Variants in B3GALNT2 observed in about 807,000 individuals in gnomAD.
The protein encoded by B3GALNT2 is UDP-GalNAc:beta-1,3-N-acetylgalactosaminyltransferase 2.
In B3GALNT2, 53 loss-of-function variants were observed where a neutral mutation model predicts 61.1. The ratio of observed to expected loss-of-function variants is 0.87; its 90% CI spans 0.70 to 1.09. The LOEUF (loss-of-function observed/expected upper bound fraction) is 1.09, where lower values mean the gene tolerates loss of function less well. Ranked by LOEUF, B3GALNT2 falls within the 50% of genes least tolerant of loss-of-function variation. B3GALNT2 has a pLI of 0.00. For synonymous variants in B3GALNT2, 223 were observed against 237.4 expected, an observed-to-expected ratio of 0.94 and a Z score of 0.56; for missense variants, 544 against 623.0, an observed-to-expected ratio of 0.87 and a Z score of 1.35.
chr1:235,495,355 A>T (rs973048145), intron 1 of B3GALNT2, among the ~76,000 whole-genome samples: 13 of 152,172 alleles, frequency 8.5e-5, no homozygotes, highest in African/African-American at 2.9e-4. Context: ...AACTAAAAAA[A>T]ATGTGCTTTG....
chr1:235,484,725 CTAAG>C (rs1684720295), intron 3 of B3GALNT2: 1 of 862,038 alleles, frequency 1.2e-6, no homozygotes, highest in African/African-American at 1.7e-5. Context: ...TCAGCCACAT[CTAAG>C]TAAGTTAATT....
chr1:235,498,302 C>A (rs1159576840), intron 1 of B3GALNT2, among the ~76,000 whole-genome samples: 2 of 151,412 alleles, frequency 1.3e-5, no homozygotes, highest in African/African-American at 4.9e-5. Context: ...TGTCTAGAAA[C>A]AGAGGGAAAA....
intron 1 of B3GALNT2, among the ~76,000 whole-genome samples, chr1:235,496,794 C>A (rs1226737298): frequency 6.6e-6 from 1 of 152,084 alleles, no homozygotes; most frequent in Non-Finnish European, 1.5e-5. Flanking sequence ...TCCACCGCCT[C>A]GGCCTCCCAA....
chr1:235,454,131 G>A (rs778624917), intron 10 of B3GALNT2, 25 bp downstream of exon 10: 32 of 1,566,448 alleles, frequency 2.0e-5, no homozygotes, highest in Middle Eastern at 1.7e-4. Context: ...GAGCCACCAC[G>A]CCAAGCTAAG....
At chr1:235,467,131 G>A (rs1025103713) in intron 6 of B3GALNT2, among the ~76,000 whole-genome samples, 1 of 152,070 alleles carries the variant, frequency 6.6e-6, no homozygotes, top group African/African-American at 2.4e-5. Context: ...GGCGGATCAC[G>A]AGGACAAGAC....
At position 235,450,219 on chromosome 1, in the gene B3GALNT2, C is replaced by T; in HGVS notation, c.1490G>A (p.Cys497Tyr). ...TTCAAGTCCCTGTTATCTTGCTTGA[C>T]ATCGACAAGGATCACCGCACCGTTC... ...LKERCGDPCR[C>Y]QAR Residue 497 changes from cysteine (C) to tyrosine (Y), a missense_variant, in exon 12 of 12, where the codon TGT becomes TAT. Coordinates refer to ENST00000366600, the MANE Select transcript of B3GALNT2 (RefSeq NM_152490.5). The T allele has an allele frequency of 6.2e-7, 1 of 1,614,126 alleles. No individual in the cohort carries two copies. The highest frequency in any genetic ancestry group is 1.1e-5 in the South Asian group (1 of 91,086).
downstream of B3GALNT2, among the ~76,000 whole-genome samples, chr1:235,446,935 A>G (rs1572460167): frequency 6.6e-6 from 1 of 152,064 alleles, no homozygotes; most frequent in Non-Finnish European, 1.5e-5. Context: ...TCTGCCTCCC[A>G]AAGTGCTGGG....
chr1:235,464,028 T>C (rs1057451086), intron 7 of B3GALNT2: 1 of 152,276 alleles, frequency 6.6e-6, no homozygotes, highest in African/African-American at 2.4e-5. Flanking sequence ...GACAACTGGA[T>C]ATCCACATGC....
chr1:235,497,714 C>G (rs767523709), intron 1 of B3GALNT2, among the ~76,000 whole-genome samples: 1 of 152,152 alleles, frequency 6.6e-6, no homozygotes, highest in Non-Finnish European at 1.5e-5. Flanking sequence ...CCTTTCTTGT[C>G]ATTAATTCTA....
chr1:235,501,817 GT>G (rs1011372142), intron 1 of B3GALNT2, among the ~76,000 whole-genome samples: 4 of 151,420 alleles, frequency 2.6e-5, no homozygotes, highest in East Asian at 3.9e-4. Flanking sequence ...AAAATCTTGG[GT>G]TTTTTTTTCT....
At chr1:235,457,571 G>C (rs1052464235) in intron 8 of B3GALNT2, among the ~76,000 whole-genome samples, 1 of 152,122 alleles carries the variant, frequency 6.6e-6, no homozygotes, top group South Asian at 2.1e-4. Context: ...GGAATTAAAA[G>C]TAAGTTCCAA....
chr1:235,441,982 G>T, the B3GALNT2 span: 3 of 959,316 alleles, frequency 3.1e-6, no homozygotes, highest in Non-Finnish European at 4.8e-6. Context: ...AAGTACCTAA[G>T]TAAATGCCTT....
chr1:235,454,410 A>G lies in B3GALNT2; in HGVS notation c.1152-95T>C, dbSNP rs79278155. On this transcript the variant is annotated intron_variant, in intron 9 of 11. Coordinates refer to ENST00000366600, the MANE Select transcript of B3GALNT2 (RefSeq NM_152490.5). ...CCTTTATCATCACTACAAAGGAATA[A>G]GCTTGTAGAAGTGAGGAAAGAAAAT... 281 of 1,186,242 alleles carry G rather than the reference A, an allele frequency of 2.4e-4. 3 individuals are homozygous for G. In the African/African-American group the frequency reaches 3.9e-3, roughly 16 times the overall value. The allele number at this position is 1,186,242 out of a possible 1,614,324, so 73.5% of individuals were successfully genotyped here. A position where few individuals can be genotyped will look rare whatever the true frequency, so the allele number is the denominator to read the frequency against.
chr1:235,452,309 C>T (rs942649367), intron 11 of B3GALNT2: 1 of 152,108 alleles, frequency 6.6e-6, no homozygotes, highest in Non-Finnish European at 1.5e-5. Context: ...AATTTCTGAT[C>T]AAATCTATGG....
chr1:235,460,104 CTT>C (rs1683349794), intron 7 of B3GALNT2, among the ~76,000 whole-genome samples: 1 of 2,290 alleles, frequency 4.4e-4, no homozygotes, highest in Admixed American at 5.6e-3. Context: ...ATAATGTTTT[CTT>C]TCTTTCCTCT....
intron 2 of B3GALNT2, among the ~76,000 whole-genome samples, chr1:235,489,719 T>C (rs291397): frequency 0.46 from 69,643 of 151,956 alleles, 16,621 homozygotes; most frequent in Non-Finnish European, 0.5. Context: ...TGGTTACCCC[T>C]GTAACTAGTG....
intron 5 of B3GALNT2, among the ~76,000 whole-genome samples, chr1:235,475,389 C>A (rs1267489568): frequency 6.6e-6 from 1 of 152,076 alleles, no homozygotes; most frequent in South Asian, 2.1e-4. Flanking sequence ...CAGTGAGCTA[C>A]ACAATGAAAA....
In B3GALNT2 at chr1:235,485,401, C is replaced by A. The variant is rs1050694516; in HGVS notation, c.362-886G>T. Among the ~76,000 whole-genome samples the A allele has an allele frequency of 2.8e-4, 42 of 152,332 alleles. No individual in the cohort carries two copies. In the East Asian group the frequency reaches 3.3e-3, roughly 12 times the overall value. ...TGAACATGGCTTATTGCAGTCTCAA[C>A]CTCCTTTGCTCAAGGGATCCTCCTG... On this transcript the variant is annotated intron_variant, in intron 3 of 11. Coordinates refer to ENST00000366600, the MANE Select transcript of B3GALNT2 (RefSeq NM_152490.5).
chr1:235,471,713 A>G (rs1054635662), intron 5 of B3GALNT2, among the ~76,000 whole-genome samples: 2 of 152,180 alleles, frequency 1.3e-5, no homozygotes, highest in South Asian at 2.1e-4. Context: ...CCCAGGCTGG[A>G]GTGCAATGGT....
Sources: gnomAD v4.1 joint callset for allele counts (sites outside exome capture counted in the v4.1 genomes callset) on GRCh38, gnomAD v4.1.1 for gene constraint, MANE v1.5 for transcripts, NCBI Gene and HGNC (gene_info 2026-07-23, HGNC 2026-07-21) for gene names.